Variants in ADAMTS18 observed in about 807,000 individuals in gnomAD.
ADAMTS18 encodes the protein ADAM metallopeptidase with thrombospondin type 1 motif 18, also known as A disintegrin and metalloproteinase with thrombospondin motifs 18.
ADAMTS18 carries 157 observed loss-of-function variants against 165.9 expected under a neutral mutation model. The ratio of observed to expected loss-of-function variants is 0.95; its 90% CI spans 0.83 to 1.08. The LOEUF is 1.08. Ranked by LOEUF, ADAMTS18 falls within the 50% of genes least tolerant of loss-of-function variation. The pLI, the probability that ADAMTS18 is intolerant of heterozygous loss-of-function variation, is 0.00. For synonymous variants in ADAMTS18, 782 were observed against 578.2 expected, an observed-to-expected ratio of 1.35 and a Z score of -5.06; for missense variants, 2,040 against 1,534.0, an observed-to-expected ratio of 1.33 and a Z score of -5.51.
At chr16:77,419,411 G>A (rs1325998386) in intron 3 of ADAMTS18, among the ~76,000 whole-genome samples, 1 of 152,022 alleles carries the variant, frequency 6.6e-6, no homozygotes, top group Non-Finnish European at 1.5e-5. Flanking sequence ...CACCCCTAGA[G>A]CCCCATGTGC....
chr16:77,301,331 A>G (rs1255297407), intron 16 of ADAMTS18, among the ~76,000 whole-genome samples: 1 of 151,918 alleles, frequency 6.6e-6, no homozygotes, highest in East Asian at 1.9e-4. Flanking sequence ...ACAAGTGACT[A>G]GGGACTGAGC....
intron 3 of ADAMTS18, among the ~76,000 whole-genome samples, chr16:77,420,125 A>C (rs917565973): frequency 6.6e-6 from 1 of 150,560 alleles, no homozygotes; most frequent in Non-Finnish European, 1.5e-5. Flanking sequence ...AGCAAACTAG[A>C]TTCTCAGACA....
At chr16:77,396,135 C>A (rs986532947) in intron 3 of ADAMTS18, among the ~76,000 whole-genome samples, 24 of 152,296 alleles carry the variant, frequency 1.6e-4, no homozygotes, top group African/African-American at 5.3e-4. Context: ...CATTGACGAC[C>A]AAGCTCTGTT....
At position 77,295,123 on chromosome 16, in the gene ADAMTS18, T is replaced by A. The variant is rs1218608074; in HGVS notation, c.2806A>T (p.Met936Leu). 2 of 1,614,042 alleles carry A rather than the reference T, an allele frequency of 1.2e-6. No homozygotes were observed. Among genetic ancestry groups the A allele is most frequent in the Non-Finnish European group, 1.7e-6 (2 of 1,180,020 alleles). Residue 936 changes from methionine to leucine, a missense_variant, in exon 19 of 23, where the codon ATG becomes TTG. Met to Leu is a conservative substitution (Grantham distance 15). Coordinates refer to ENST00000282849, the MANE Select transcript of ADAMTS18 (RefSeq NM_199355.4). ...CNAFSCPAYWMPGEWSTCSKA... is the reference protein window; with the variant it reads ...CNAFSCPAYWLPGEWSTCSKA... Reference sequence around the variant, plus strand: ...CTGCATGTACTCCATTCACCTGGCATCCAGCTTTCAGTGCAAAACAAACAT... The same window carrying A: ...CTGCATGTACTCCATTCACCTGGCAACCAGCTTTCAGTGCAAAACAAACAT...
intron 16 of ADAMTS18, among the ~76,000 whole-genome samples, chr16:77,312,972 C>T (rs2055811161): frequency 6.6e-6 from 1 of 152,138 alleles, no homozygotes; most frequent in South Asian, 2.1e-4. Flanking sequence ...ATAAATCATG[C>T]TGCTATAAAG....
In ADAMTS18 at chr16:77,322,311, C is replaced by T. The variant is rs369231758; in HGVS notation, c.2163+25G>A. On this transcript the variant is annotated intron_variant, in intron 14 of 22. Coordinates refer to ENST00000282849, the MANE Select transcript of ADAMTS18 (RefSeq NM_199355.4). ...GATAAAACACAAGCATGCTCATACACTCCAAAGCAGAAACGTTCTCTTACT... is the reference window on the plus strand; with the variant it reads ...GATAAAACACAAGCATGCTCATACATTCCAAAGCAGAAACGTTCTCTTACT... 9.2e-5 allele frequency: 149 copies of T among 1,613,696 alleles called. 1 individual carries two copies. The African/African-American group carries it at 1.7e-3, about 18-fold the overall frequency.
chr16:77,420,348 A>G (rs2057585900), intron 3 of ADAMTS18, among the ~76,000 whole-genome samples: 1 of 152,146 alleles, frequency 6.6e-6, no homozygotes, highest in Non-Finnish European at 1.5e-5. Flanking sequence ...CGTAACATTT[A>G]CCTAGCCCAG....
rs912231640 is a variant in ADAMTS18, at chr16:77,434,793, C to A, written c.-98G>T. On this transcript the variant is annotated 5_prime_UTR_variant, in exon 1 of 23. Coordinates refer to ENST00000282849, the MANE Select transcript of ADAMTS18 (RefSeq NM_199355.4). The stretch of plus-strand genomic sequence containing the variant: ...TCCGCGGCCCCGGAGCTCGGCGCCC[C>A]AGGTGCGGCTCCAGGTGAGAGCCGC... 1.1e-5 allele frequency: 12 copies of A among 1,076,550 alleles called. No individual in the cohort carries two copies. Among genetic ancestry groups the A allele is most frequent in the African/African-American group, 1.0e-4 (6 of 59,776 alleles). 66.7% of individuals were successfully genotyped at this position (1,076,550 alleles called of 1,614,324 possible). A position where few individuals can be genotyped will look rare whatever the true frequency, so the allele number is the denominator to read the frequency against.
chr16:77,360,884 C>T (rs896795877), intron 7 of ADAMTS18, among the ~76,000 whole-genome samples: 3 of 151,938 alleles, frequency 2.0e-5, no homozygotes, highest in African/African-American at 7.3e-5. Flanking sequence ...GTCAGGAGTT[C>T]GAGACCAGCC....
chr16:77,334,438 T>A (rs1478426010), intron 12 of ADAMTS18, among the ~76,000 whole-genome samples: 2 of 113,252 alleles, frequency 1.8e-5, no homozygotes, highest in Non-Finnish European at 3.3e-5. Context: ...ATACTGTATA[T>A]TATAGTATAT....
rs1266376838 is a variant in ADAMTS18 at position 77,325,736 on chromosome 16, C to T, written c.2032+130G>A. The T allele has an allele frequency of 4.3e-6, 4 of 925,802 alleles. No individual in the cohort carries two copies. In the Admixed American group the frequency reaches 8.5e-5, roughly 20 times the overall value. 57.3% of individuals were successfully genotyped at this position (925,802 alleles called of 1,614,324 possible). A position where few individuals can be genotyped will look rare whatever the true frequency, so the allele number is the denominator to read the frequency against. ...AAAACCCATGGAATGAAACACTGAGCCAGGATGGGTCTGGGGAGTGAAAGG... is the reference window on the plus strand; with the variant it reads ...AAAACCCATGGAATGAAACACTGAGTCAGGATGGGTCTGGGGAGTGAAAGG... On this transcript the variant is annotated intron_variant, in intron 13 of 22. Transcript: ENST00000282849.
rs546087897 is a variant in ADAMTS18 at position 77,426,097 on chromosome 16, T to C, written c.495+5198A>G. Among the ~76,000 whole-genome samples the C allele has an allele frequency of 9.9e-5, 15 of 152,114 alleles. No individual in the cohort carries two copies. The South Asian group carries it at 2.9e-3, about 30-fold the overall frequency. On this transcript the variant is annotated intron_variant, in intron 3 of 22. Transcript: ENST00000282849. ...GTGGGGAGGAGTGGTCAAATTAGTA[T>C]GGAAATCCTACCTCTTGGCACTTCA...
chr16:77,385,344 T>C (rs2454935), intron 3 of ADAMTS18, among the ~76,000 whole-genome samples: 48,543 of 152,162 alleles, frequency 0.32, 9,174 homozygotes, highest in Non-Finnish European at 0.44. Context: ...TGATTCTCAA[T>C]GCATGTTTGC....
At chr16:77,314,649 G>GTGTGTGTGTGTGTATATA (rs10527824) in intron 16 of ADAMTS18, among the ~76,000 whole-genome samples, 2 of 126,476 alleles carry the variant, frequency 1.6e-5, no homozygotes, top group African/African-American at 6.2e-5. Context: ...GTGTGTGTGT[G>GTGTGTGTGTGTGTATATA]TATATATATA....
intron 3 of ADAMTS18, among the ~76,000 whole-genome samples, chr16:77,391,230 T>C (rs2057181970): frequency 6.6e-6 from 1 of 152,076 alleles, no homozygotes; most frequent in South Asian, 2.1e-4. Flanking sequence ...AGGCCAGGCA[T>C]GATGGCTCAT....
chr16:77,389,325 A>G lies in ADAMTS18; in HGVS notation c.496-21602T>C, dbSNP rs528187577. On this transcript the variant is annotated intron_variant, in intron 3 of 22. Coordinates refer to ENST00000282849, the MANE Select transcript of ADAMTS18 (RefSeq NM_199355.4). ...ATCTCAAAAAACAAAGAGGAGTCCA[A>G]TCTTTACATGATCTAATTCCACAAA... Among the ~76,000 whole-genome samples, 6 of 152,292 alleles carry G rather than the reference A, an allele frequency of 3.9e-5. No homozygotes were observed. In the South Asian group the frequency reaches 8.3e-4, roughly 21 times the overall value.
intron 3 of ADAMTS18, among the ~76,000 whole-genome samples, chr16:77,423,260 G>C (rs2057627219): frequency 6.6e-6 from 1 of 152,184 alleles, no homozygotes. Flanking sequence ...AGCCAGAGTA[G>C]TTAATAAATA....
intron 16 of ADAMTS18, among the ~76,000 whole-genome samples, chr16:77,318,328 T>C (rs908391206): frequency 6.6e-6 from 1 of 152,212 alleles, no homozygotes; most frequent in Non-Finnish European, 1.5e-5. Flanking sequence ...AGAAAAACCA[T>C]ATAATGACAA....
chr16:77,392,789 T>C (rs577789033), intron 3 of ADAMTS18, among the ~76,000 whole-genome samples: 50 of 152,226 alleles, frequency 3.3e-4, no homozygotes, highest in African/African-American at 1.0e-3. Flanking sequence ...AAATATCAAG[T>C]GCTAAAATTA....
Sources: allele counts gnomAD v4.1 joint callset (sites outside exome capture counted in the v4.1 genomes callset), GRCh38; gene constraint gnomAD v4.1.1; transcripts MANE v1.5; gene names NCBI Gene and HGNC (gene_info 2026-07-23, HGNC 2026-07-21).